Variants in STXBP6 observed in about 807,000 individuals in gnomAD.
STXBP6 encodes the protein syntaxin-binding protein 6.
STXBP6 carries 21 observed loss-of-function variants against 26.9 expected under a neutral mutation model. The observed-to-expected ratio is 0.78, with a 90% CI of 0.55 to 1.12. STXBP6 has a LOEUF of 1.12. Among genes scored for constraint, STXBP6 ranks in the 50% most tolerant of loss-of-function variants. The pLI is 0.00. For synonymous variants in STXBP6, 97 were observed against 92.6 expected (o/e 1.05, Z -0.27); for missense variants, 232 against 257.9 (o/e 0.90, Z 0.69).
intron 1 of STXBP6, among the ~76,000 whole-genome samples, chr14:25,014,990 T>C (rs1329198845): frequency 6.6e-6 from 1 of 152,250 alleles, no homozygotes; most frequent in African/African-American, 2.4e-5. Flanking sequence ...AAATCACTTA[T>C]ATCAAAGCTC....
chr14:24,975,637 C>T (rs1282635569), intron 1 of STXBP6, among the ~76,000 whole-genome samples: 1 of 152,184 alleles, frequency 6.6e-6, no homozygotes, highest in African/African-American at 2.4e-5. Context: ...GCAGTGGATG[C>T]CCAATAATTA....
intron 2 of STXBP6, among the ~76,000 whole-genome samples, chr14:24,963,034 T>C (rs575217408): frequency 6.6e-6 from 1 of 152,306 alleles, no homozygotes; most frequent in South Asian, 2.1e-4. Context: ...TATACCTAGA[T>C]ATTATAAAAC....
chr14:24,943,062 G>C (rs74040739), intron 2 of STXBP6, among the ~76,000 whole-genome samples: 14,501 of 152,262 alleles, frequency 0.095, 915 homozygotes, highest in East Asian at 0.26. Flanking sequence ...GGCTGACAGG[G>C]TTAGCATCTT....
chr14:24,987,941 A>C (rs1281594252), intron 1 of STXBP6: 2 of 953,104 alleles, frequency 2.1e-6, no homozygotes, highest in Non-Finnish European at 2.5e-6. Context: ...GAAGAAGAGC[A>C]ACAAAGTACT....
chr14:24,827,887 A>G (rs534530487), intron 4 of STXBP6, among the ~76,000 whole-genome samples: 2 of 152,334 alleles, frequency 1.3e-5, no homozygotes, highest in Non-Finnish European at 2.9e-5. Flanking sequence ...CAGATTATAG[A>G]AAATCCTTAA....
At chr14:24,876,317 T>C (rs986004999) in intron 2 of STXBP6, among the ~76,000 whole-genome samples, 1 of 152,206 alleles carries the variant, frequency 6.6e-6, no homozygotes, top group African/African-American at 2.4e-5. Flanking sequence ...GGATACTCTA[T>C]GCTCAAACTT....
At chr14:25,021,866 T>G (rs151122255) in intron 1 of STXBP6, among the ~76,000 whole-genome samples, 2,208 of 152,294 alleles carry the variant, frequency 0.014, 48 homozygotes, top group African/African-American at 0.048. Context: ...AAATCAACTT[T>G]CATTTCCCTC....
intron 1 of STXBP6, among the ~76,000 whole-genome samples, chr14:25,036,599 A>G (rs1247952068): frequency 6.6e-6 from 1 of 152,174 alleles, no homozygotes; most frequent in Non-Finnish European, 1.5e-5. Flanking sequence ...TCACGCCTGT[A>G]ATCATAGCAC....
intron 2 of STXBP6, among the ~76,000 whole-genome samples, chr14:24,891,562 T>C (rs1285976790): frequency 6.6e-6 from 1 of 152,214 alleles, no homozygotes; most frequent in African/African-American, 2.4e-5. Flanking sequence ...AGAAATTTAC[T>C]TAGAATTCCT....
In STXBP6 at chr14:25,003,016, C is replaced by T. The variant is rs534022027; in HGVS notation, c.-32-28166G>A. 5.9e-5 allele frequency among the ~76,000 whole-genome samples: 9 copies of T among 152,270 alleles called. No individual in the cohort carries two copies. In the East Asian group the frequency reaches 7.7e-4, roughly 13 times the overall value. ...TGCTGGGATTACAGATGTGAGCCAC[C>T]GCGGCCGGCCTAATGTACAGATTCT... On this transcript the variant is annotated intron_variant, in intron 1 of 5. Transcript: ENST00000323944.
intron 2 of STXBP6, among the ~76,000 whole-genome samples, chr14:24,963,624 G>C (rs538199390): frequency 1.3e-5 from 2 of 152,082 alleles, no homozygotes; most frequent in African/African-American, 4.8e-5. Context: ...AATTGAAAAC[G>C]GTGACAATGA....
chr14:25,044,811 T>C (rs1047461888), intron 1 of STXBP6, among the ~76,000 whole-genome samples: 26 of 152,186 alleles, frequency 1.7e-4, no homozygotes, highest in African/African-American at 6.3e-4. Context: ...TCCATTTTGT[T>C]GTATGCTCTG....
chr14:25,004,196 G>A (rs1430417810), intron 1 of STXBP6, among the ~76,000 whole-genome samples: 1 of 152,182 alleles, frequency 6.6e-6, no homozygotes, highest in Non-Finnish European at 1.5e-5. Flanking sequence ...CAAACAAAGG[G>A]AGCCACTGAA....
chr14:24,964,107 G>A (rs963856035), intron 2 of STXBP6, among the ~76,000 whole-genome samples: 2 of 152,044 alleles, frequency 1.3e-5, no homozygotes, highest in African/African-American at 2.4e-5. Flanking sequence ...GCAGGAGTGG[G>A]ATTATGCCCA....
intron 1 of STXBP6, among the ~76,000 whole-genome samples, chr14:25,043,238 G>C (rs2140512600): frequency 6.6e-6 from 1 of 152,346 alleles, no homozygotes; most frequent in South Asian, 2.1e-4. Flanking sequence ...AATTCAGGTA[G>C]TAAACTTTCG....
chr14:24,957,518 C>T (rs11621506), intron 2 of STXBP6, among the ~76,000 whole-genome samples: 34,322 of 152,120 alleles, frequency 0.23, 4,558 homozygotes, highest in Non-Finnish European at 0.32. Context: ...TTTCTAGTTC[C>T]ATCTCTGGCA....
rs78597116 is a variant in STXBP6, at chr14:24,828,856, C to T, written c.452-9662G>A. Among the ~76,000 whole-genome samples, 639 of 152,234 alleles carry T rather than the reference C, an allele frequency of 4.2e-3. 16 individuals carry two copies. In the East Asian group the frequency reaches 0.073, roughly 17 times the overall value. ...ATACAAGAGCGATGCACAAGAATGA[C>T]ATAGAGAATTATGTAATGCTGGCCA... On this transcript the variant is annotated intron_variant, in intron 4 of 5. Coordinates refer to ENST00000323944, the MANE Select transcript of STXBP6 (RefSeq NM_001394410.1).
chr14:24,903,329 T>G (rs999978645), intron 2 of STXBP6, among the ~76,000 whole-genome samples: 1 of 152,208 alleles, frequency 6.6e-6, no homozygotes, highest in African/African-American at 2.4e-5. Flanking sequence ...GGTTAGGTGT[T>G]TGAGCTCCTG....
intron 2 of STXBP6, among the ~76,000 whole-genome samples, chr14:24,939,436 A>AT (rs1198273374): frequency 1.3e-5 from 2 of 150,998 alleles, no homozygotes; most frequent in Non-Finnish European, 2.9e-5. Context: ...GTTACATAAC[A>AT]TTTTTTCAAG....
Sources: allele counts gnomAD v4.1 joint callset (sites outside exome capture counted in the v4.1 genomes callset), GRCh38; gene constraint gnomAD v4.1.1; transcripts MANE v1.5; gene names NCBI Gene and HGNC (gene_info 2026-07-23, HGNC 2026-07-21).